The following SLC13A3 variants were observed in gnomAD, a reference collection of about 807,000 sequenced individuals.
SLC13A3 encodes Na(+)/dicarboxylate cotransporter 3.
Under a neutral mutation model 59.0 loss-of-function variants are expected in SLC13A3, and 40 were observed. That is an observed-to-expected ratio of 0.68 (90% CI 0.53 to 0.88). The LOEUF (loss-of-function observed/expected upper bound fraction) is 0.88, where lower values mean the gene tolerates loss of function less well. Among genes scored for constraint, SLC13A3 ranks in the 40% least tolerant of loss-of-function variants. The pLI, the probability that SLC13A3 is intolerant of heterozygous loss-of-function variation, is 0.00. For synonymous variants in SLC13A3, 317 were observed against 330.3 expected (o/e 0.96, Z 0.44); for missense variants, 699 against 783.2 (o/e 0.89, Z 1.28).
chr20:46,644,427 A>G (rs2062874661), intron 1 of SLC13A3, among the ~76,000 whole-genome samples: 1 of 152,228 alleles, frequency 6.6e-6, no homozygotes, highest in Admixed American at 6.5e-5. Flanking sequence ...AAATGCTACC[A>G]GCATCTCCCA....
At chr20:46,601,617 A>T (rs1435284838) in intron 3 of SLC13A3, among the ~76,000 whole-genome samples, 5 of 152,240 alleles carry the variant, frequency 3.3e-5, no homozygotes, top group Admixed American at 2.0e-4. Context: ...ATGAAGATGC[A>T]TGCCATGCAA....
intron 10 of SLC13A3, among the ~76,000 whole-genome samples, chr20:46,569,111 G>A (rs1355460394): frequency 1.3e-5 from 2 of 152,186 alleles, no homozygotes; most frequent in Non-Finnish European, 2.9e-5. Context: ...AGTGTCCTGA[G>A]TAGCTAAGGC....
Position 46,608,758 on chromosome 20 carries a change from A to G in SLC13A3, c.541+1688T>C, listed in dbSNP as rs547101699. On this transcript the variant is annotated intron_variant, in intron 3 of 12. Transcript: ENST00000279027. Reference sequence around the variant, plus strand: ...TAATTTAATTCATATTTTAAAAACTAGAACTAGCACACAAAACCTATGGTT... The same window carrying G: ...TAATTTAATTCATATTTTAAAAACTGGAACTAGCACACAAAACCTATGGTT... 3.4e-4 allele frequency: 401 copies of G among 1,183,262 alleles called. No homozygotes were observed. In the Middle Eastern group the frequency reaches 4.8e-3, roughly 14 times the overall value. 73.3% of individuals were successfully genotyped at this position (1,183,262 alleles called of 1,614,324 possible).
At chr20:46,643,541 A>C (rs1339934758) in intron 1 of SLC13A3, among the ~76,000 whole-genome samples, 1 of 152,186 alleles carries the variant, frequency 6.6e-6, no homozygotes, top group Non-Finnish European at 1.5e-5. Context: ...AGCAGAGGGC[A>C]TGAGAGGTGG....
At chr20:46,572,717 C>T (rs2062040576) in intron 10 of SLC13A3, among the ~76,000 whole-genome samples, 2 of 152,208 alleles carry the variant, frequency 1.3e-5, no homozygotes, top group Admixed American at 6.5e-5. Flanking sequence ...CATATATTGA[C>T]TCACTTAATG....
chr20:46,648,915 TCA>T (rs533558646), intron 1 of SLC13A3, among the ~76,000 whole-genome samples: 9,675 of 144,956 alleles, frequency 0.067, 948 homozygotes, highest in African/African-American at 0.22. Context: ...TCTCTCTCTC[TCA>T]CACACACACA....
At chr20:46,666,472 TTTGTTGTTG>T (rs11469962) in intron 1 of SLC13A3, among the ~76,000 whole-genome samples, 3,463 of 149,410 alleles carry the variant, frequency 0.023, 129 homozygotes, top group African/African-American at 0.077. Context: ...GTTTTGTTGC[TTTGTTGTTG>T]TTGTTGTTGT....
At chr20:46,657,123 A>C (rs1281337955) in intron 1 of SLC13A3, among the ~76,000 whole-genome samples, 1 of 152,006 alleles carries the variant, frequency 6.6e-6, no homozygotes, top group East Asian at 1.9e-4. Context: ...ACAAACCAAC[A>C]AAAAAAGCTT....
intron 5 of SLC13A3, among the ~76,000 whole-genome samples, chr20:46,593,808 C>T (rs2062283330): frequency 6.6e-6 from 1 of 151,962 alleles, no homozygotes; most frequent in Non-Finnish European, 1.5e-5. Context: ...GTATTAAGAG[C>T]ATAGTGGCAA....
intron 4 of SLC13A3, 45 bp downstream of exon 4, chr20:46,599,925 CT>C: frequency 7.1e-7 from 1 of 1,405,390 alleles, no homozygotes; most frequent in Non-Finnish European, 9.7e-7. Context: ...TCATCATCTC[CT>C]TGAATCAAGC....
chr20:46,559,190 T>C lies in SLC13A3; in HGVS notation c.*832A>G, dbSNP rs1008089152. ...TGACCGCCTTGCAGCCACAGAGGCC[T>C]ATGGGGGCCACATGTAGGAGAGTCC... is the stretch of plus-strand genomic sequence containing the variant. On this transcript the variant is annotated 3_prime_UTR_variant, in exon 13 of 13. Coordinates refer to ENST00000279027, the MANE Select transcript of SLC13A3 (RefSeq NM_022829.6). 1 of 152,410 alleles carries C rather than the reference T, an allele frequency of 6.6e-6. No individual in the cohort carries two copies. The highest frequency in any genetic ancestry group is 2.4e-5 in the African/African-American group (1 of 41,440). The allele number at this position is 152,410 out of a possible 1,614,324, so 9.4% of individuals were successfully genotyped here.
intron 2 of SLC13A3, among the ~76,000 whole-genome samples, chr20:46,612,124 CTTT>C (rs57019153): frequency 7.3e-4 from 50 of 68,932 alleles, no homozygotes; most frequent in African/African-American, 3.4e-3. Context: ...TCTCTCTTTG[CTTT>C]TTTTTTTTTT....
In SLC13A3 at chr20:46,584,006, C is replaced by T. The variant is rs559694936; in HGVS notation, c.1122-337G>A. 226 of 985,274 alleles carry T rather than the reference C, an allele frequency of 2.3e-4. No individual in the cohort carries two copies. In the African/African-American group the frequency reaches 3.4e-3, roughly 15 times the overall value. 61.0% of individuals were successfully genotyped at this position (985,274 alleles called of 1,614,324 possible). A position where few individuals can be genotyped will look rare whatever the true frequency, so the allele number is the denominator to read the frequency against. ...TGGAACCCCTATAAATCACCCTCACCGGGACTCCTGTAAGAGCCCTGTCTT... is the reference window on the plus strand; with the variant it reads ...TGGAACCCCTATAAATCACCCTCACTGGGACTCCTGTAAGAGCCCTGTCTT... On this transcript the variant is annotated intron_variant, in intron 8 of 12. Coordinates refer to ENST00000279027, the MANE Select transcript of SLC13A3 (RefSeq NM_022829.6).
In SLC13A3 at chr20:46,559,979, C is replaced by A. The variant is rs2061916726; in HGVS notation, c.*43G>T. The A allele has an allele frequency of 1.3e-6, 2 of 1,575,040 alleles. No individual in the cohort carries two copies. The highest frequency in any genetic ancestry group is 1.7e-6 in the Non-Finnish European group (2 of 1,148,326). On this transcript the variant is annotated 3_prime_UTR_variant, in exon 13 of 13. Coordinates refer to ENST00000279027, the MANE Select transcript of SLC13A3 (RefSeq NM_022829.6). ...TCCTAGCAGCAGGTGATGGTGACAG[C>A]CCTTTGAGAGGGTTCAGCCTCAAGG... is the stretch of plus-strand genomic sequence containing the variant.
upstream of SLC13A3, among the ~76,000 whole-genome samples, chr20:46,674,125 C>A (rs1056404369): frequency 2.0e-5 from 3 of 152,152 alleles, no homozygotes; most frequent in African/African-American, 7.2e-5. Flanking sequence ...ATTCTTCCCT[C>A]CACAGAAGGG....
intron 1 of SLC13A3, among the ~76,000 whole-genome samples, chr20:46,616,572 T>G (rs1202944963): frequency 6.6e-6 from 1 of 152,182 alleles, no homozygotes; most frequent in African/African-American, 2.4e-5. Context: ...GCTGAGACCC[T>G]TTTGTTGGAA....
At chr20:46,581,087 C>T (rs2062132068) in intron 9 of SLC13A3, among the ~76,000 whole-genome samples, 1 of 152,250 alleles carries the variant, frequency 6.6e-6, no homozygotes, top group Non-Finnish European at 1.5e-5. Context: ...TGCTGCTGTG[C>T]ACTGCTGTGT....
At chr20:46,597,447 C>T (rs1321325073) in intron 4 of SLC13A3, among the ~76,000 whole-genome samples, 1 of 151,988 alleles carries the variant, frequency 6.6e-6, no homozygotes, top group Non-Finnish European at 1.5e-5. Context: ...TTTTATTTTT[C>T]ATTTTTGAGA....
At chr20:46,617,138 G>T (rs1383663715) in intron 1 of SLC13A3, among the ~76,000 whole-genome samples, 1 of 152,186 alleles carries the variant, frequency 6.6e-6, no homozygotes, top group Non-Finnish European at 1.5e-5. Flanking sequence ...CACATTGTAG[G>T]CACTCAAAAT....
Sources: gnomAD v4.1 joint callset for allele counts (sites outside exome capture counted in the v4.1 genomes callset) on GRCh38, gnomAD v4.1.1 for gene constraint, MANE v1.5 for transcripts, NCBI Gene and HGNC (gene_info 2026-07-23, HGNC 2026-07-21) for gene names.